Variants in TRPC6 observed in about 807,000 individuals in gnomAD.
TRPC6 encodes the protein short transient receptor potential channel 6.
TRPC6 carries 55 observed loss-of-function variants against 90.7 expected under a neutral mutation model. The observed-to-expected ratio is 0.61, with a 90% confidence interval of 0.49 to 0.76. The LOEUF (loss-of-function observed/expected upper bound fraction) is 0.76. Among genes scored for constraint, TRPC6 ranks in the 30% least tolerant of loss-of-function variants. TRPC6 has a pLI of 0.00. For synonymous variants in TRPC6, 393 were observed against 393.0 expected (o/e 1.00, Z 0.00); for missense variants, 989 against 1,122.7 (o/e 0.88, Z 1.70).
At chr11:101,559,081 CTA>C (rs1479516129) in intron 1 of TRPC6, among the ~76,000 whole-genome samples, 1 of 152,038 alleles carries the variant, frequency 6.6e-6, no homozygotes, top group Non-Finnish European at 1.5e-5. Context: ...CAGAGACAAT[CTA>C]TGAATTGGGA....
chr11:101,507,612 A>C (rs994702570), intron 1 of TRPC6, among the ~76,000 whole-genome samples: 1 of 152,112 alleles, frequency 6.6e-6, no homozygotes, highest in African/African-American at 2.4e-5. Flanking sequence ...CTCTAAACTT[A>C]ACTGATAGTT....
At position 101,488,924 on chromosome 11, in the gene TRPC6, T is replaced by C. The variant is rs200963131; in HGVS notation, c.1293+13A>G. ...TCTAGTAGATAATAGAGGTCCAGGCTTCACATACATACCTTGCTGCATGGA... is the reference window on the plus strand; with the variant it reads ...TCTAGTAGATAATAGAGGTCCAGGCCTCACATACATACCTTGCTGCATGGA... On this transcript the variant is annotated intron_variant, in intron 4 of 12. Transcript: ENST00000344327. 5 of 1,611,166 alleles carry C rather than the reference T, an allele frequency of 3.1e-6. No individual in the cohort carries two copies. In the Admixed American group the frequency reaches 6.7e-5, roughly 22 times the overall value.
chr11:101,581,181 G>A (rs560587546), intron 1 of TRPC6, among the ~76,000 whole-genome samples: 1 of 152,254 alleles, frequency 6.6e-6, no homozygotes, highest in African/African-American at 2.4e-5. Flanking sequence ...AAATATTTCT[G>A]TTCATCACTC....
At chr11:101,522,117 G>A (rs1242277566) in intron 1 of TRPC6, among the ~76,000 whole-genome samples, 5 of 152,096 alleles carry the variant, frequency 3.3e-5, no homozygotes, top group African/African-American at 1.2e-4. Context: ...GATTTGGGAG[G>A]GGCTAGGGGC....
At chr11:101,529,641 T>C (rs1860862985) in intron 1 of TRPC6, among the ~76,000 whole-genome samples, 1 of 152,216 alleles carries the variant, frequency 6.6e-6, no homozygotes, top group Admixed American at 6.5e-5. Context: ...CAGATACTGC[T>C]TCCTATGTAC....
chr11:101,488,198 T>C lies in TRPC6; in HGVS notation c.1293+739A>G, dbSNP rs936582033. ...TTCAAAAACGTGAAGAATAGGCTTG[T>C]TAGCAATGCAAGACACAAATTTCTC... On this transcript the variant is annotated intron_variant, in intron 4 of 12. Transcript: ENST00000344327. 2.0e-5 allele frequency among the ~76,000 whole-genome samples: 3 copies of C among 152,348 alleles called. No individual in the cohort carries two copies. The South Asian group carries it at 6.2e-4, about 32-fold the overall frequency.
At chr11:101,553,473 A>T (rs977438126) in intron 1 of TRPC6, among the ~76,000 whole-genome samples, 6 of 152,110 alleles carry the variant, frequency 3.9e-5, no homozygotes, top group Non-Finnish European at 8.8e-5. Context: ...CCGGCCTATT[A>T]ACTCCTATTG....
intron 1 of TRPC6, among the ~76,000 whole-genome samples, chr11:101,545,339 C>T (rs1162065265): frequency 6.6e-6 from 1 of 151,982 alleles, no homozygotes; most frequent in Non-Finnish European, 1.5e-5. Context: ...GGAGGGTGTG[C>T]CTAGGTTATA....
At position 101,453,718 on chromosome 11, in the gene TRPC6, A is replaced by ATTATT; in HGVS notation, c.2571_2575dup (p.Met859LysfsTer2). ...TACATATCTTTTAATGAGCCTTTTC[A>ATTATT]TTATTTTCTAGAAAACAGAGAAAGG... On this transcript the variant is annotated stop_gained and frameshift_variant, in exon 12 of 13. Transcript: ENST00000344327. LOFTEE classifies it high-confidence loss of function. The ATTATT allele has an allele frequency of 6.2e-7, 1 of 1,613,320 alleles. No homozygotes were observed.
rs762831653 is a variant in TRPC6 at position 101,471,350 on chromosome 11, T to G, written c.2242A>C (p.Lys748Gln). 2 of 1,613,940 alleles carry G rather than the reference T, an allele frequency of 1.2e-6. No individual in the cohort carries two copies. The highest frequency in any genetic ancestry group is 4.5e-5 in the East Asian group (2 of 44,872). Reference protein sequence around the residue: ...ADVEWKFARAKLWFSYFEEGR... With the variant: ...ADVEWKFARAQLWFSYFEEGR... ...TCCTCAAAGTAGGAAAACCAGAGTT[T>G]GGCCCTTGCAAATTTCCACTCCACA... is the stretch of plus-strand genomic sequence containing the variant. The change falls in exon 9 of 13, where the codon AAA becomes CAA. Residue 748 changes from lysine (K) to glutamine (Q), a missense_variant. Coordinates refer to ENST00000344327, the MANE Select transcript of TRPC6 (RefSeq NM_004621.6).
chr11:101,575,950 C>T (rs1402294893), intron 1 of TRPC6, among the ~76,000 whole-genome samples: 1 of 152,082 alleles, frequency 6.6e-6, no homozygotes, highest in Non-Finnish European at 1.5e-5. Flanking sequence ...TTTTGAAGAG[C>T]ATAATCCACC....
intron 1 of TRPC6, among the ~76,000 whole-genome samples, chr11:101,544,814 C>T (rs1861260836): frequency 6.6e-6 from 1 of 151,918 alleles, no homozygotes; most frequent in Admixed American, 6.6e-5. Flanking sequence ...ACCACCATGG[C>T]ACATGTATAC....
At chr11:101,485,444 G>T (rs746450757) in intron 4 of TRPC6, among the ~76,000 whole-genome samples, 1 of 151,750 alleles carries the variant, frequency 6.6e-6, no homozygotes, top group African/African-American at 2.4e-5. Flanking sequence ...ATATTTCCAT[G>T]ATATGTTTCA....
chr11:101,497,867 CT>C (rs1447781823), intron 2 of TRPC6, among the ~76,000 whole-genome samples: 2 of 152,110 alleles, frequency 1.3e-5, no homozygotes, highest in African/African-American at 4.8e-5. Context: ...CCCCCACCCC[CT>C]GACAGGCCCC....
intron 3 of TRPC6, 87 bp downstream of exon 3, chr11:101,491,469 G>T: frequency 1.3e-6 from 2 of 1,514,646 alleles, no homozygotes; most frequent in Non-Finnish European, 1.8e-6. Flanking sequence ...GAAAATCCCA[G>T]CTTAATCTAA....
chr11:101,500,737 C>T (rs1860099297), intron 2 of TRPC6, among the ~76,000 whole-genome samples: 1 of 151,730 alleles, frequency 6.6e-6, no homozygotes, highest in Admixed American at 6.6e-5. Context: ...AGAGACTTTA[C>T]AATAATAAAA....
intron 5 of TRPC6, among the ~76,000 whole-genome samples, chr11:101,479,965 G>A (rs1859512277): frequency 6.6e-6 from 1 of 152,110 alleles, no homozygotes; most frequent in South Asian, 2.1e-4. Flanking sequence ...GATCACCTGA[G>A]GTTGGAAGTT....
chr11:101,471,962 T>C (rs1859301983), intron 8 of TRPC6, among the ~76,000 whole-genome samples, 175 bp downstream of exon 8: 1 of 152,220 alleles, frequency 6.6e-6, no homozygotes, highest in African/African-American at 2.4e-5. Context: ...CTTACTGATG[T>C]TGCATTTGGA....
intron 8 of TRPC6, 60 bp downstream of exon 8, chr11:101,472,077 T>C: frequency 6.6e-7 from 1 of 1,519,424 alleles, no homozygotes; most frequent in Non-Finnish European, 9.1e-7. Context: ...ATTGCTGAGT[T>C]AGCCCTTGGA....
Sources: gnomAD v4.1 joint callset for allele counts (sites outside exome capture counted in the v4.1 genomes callset) on GRCh38, gnomAD v4.1.1 for gene constraint, MANE v1.5 for transcripts, NCBI Gene and HGNC (gene_info 2026-07-23, HGNC 2026-07-21) for gene names.